The following CNBD1 variants were observed in gnomAD, a reference collection of about 807,000 sequenced individuals.
CNBD1 encodes cyclic nucleotide-binding domain-containing protein 1.
CNBD1 carries 71 observed loss-of-function variants against 54.4 expected under a neutral mutation model. That is an observed-to-expected ratio of 1.30 (90% CI 1.08 to 1.59). The LOEUF is 1.59. Ranked by LOEUF, CNBD1 falls within the 40% of genes most tolerant of loss-of-function variation. The pLI, the probability that CNBD1 is intolerant of heterozygous loss-of-function variation, is 0.00. For synonymous variants in CNBD1, 182 were observed against 170.7 expected, an observed-to-expected ratio of 1.07 and a Z score of -0.51; for missense variants, 659 against 518.0, an observed-to-expected ratio of 1.27 and a Z score of -2.64.
At chr8:87,378,576 G>T (rs1450288158) in intron 10 of CNBD1, among the ~76,000 whole-genome samples, 1 of 150,102 alleles carries the variant, frequency 6.7e-6, no homozygotes, top group Admixed American at 6.6e-5. Flanking sequence ...ATAGTTTGAA[G>T]TCAGGTAGTG....
intron 4 of CNBD1, among the ~76,000 whole-genome samples, chr8:87,061,509 C>T (rs1279918558): frequency 6.6e-6 from 1 of 152,180 alleles, no homozygotes; most frequent in African/African-American, 2.4e-5. Flanking sequence ...CTTTCATATG[C>T]ATTTACATTC....
At chr8:87,207,487 T>A (rs1189380233) in intron 5 of CNBD1, among the ~76,000 whole-genome samples, 2 of 151,848 alleles carry the variant, frequency 1.3e-5, no homozygotes, top group African/African-American at 4.8e-5. Context: ...TAAACATATA[T>A]CTTTTTAAAC....
chr8:87,200,626 G>C (rs1168616060), intron 4 of CNBD1, among the ~76,000 whole-genome samples: 1 of 152,040 alleles, frequency 6.6e-6, no homozygotes, highest in Non-Finnish European at 1.5e-5. Flanking sequence ...CAGGAATCCT[G>C]TAATAAACCG....
chr8:87,190,887 G>GATCTAGGTACATGTACC (rs1563501596), intron 4 of CNBD1, among the ~76,000 whole-genome samples: 1 of 124,904 alleles, frequency 8.0e-6, no homozygotes, highest in Non-Finnish European at 1.7e-5. Flanking sequence ...ATACATGTAC[G>GATCTAGGTACATGTACC]TATATCTATT....
chr8:87,055,915 CTT>C, intron 4 of CNBD1, among the ~76,000 whole-genome samples: 6 of 145,978 alleles, frequency 4.1e-5, no homozygotes, highest in Non-Finnish European at 9.0e-5. Context: ...TCCTTCCTTC[CTT>C]CCTTCCTTCC....
At chr8:86,921,010 T>C (rs1809263394) in intron 3 of CNBD1, among the ~76,000 whole-genome samples, 1 of 152,130 alleles carries the variant, frequency 6.6e-6, no homozygotes, top group Non-Finnish European at 1.5e-5. Flanking sequence ...TATTTGGAGA[T>C]GAAGCAACTG....
intron 8 of CNBD1, among the ~76,000 whole-genome samples, chr8:87,317,250 C>T (rs1809408333): frequency 6.6e-6 from 1 of 151,374 alleles, no homozygotes; most frequent in African/African-American, 2.4e-5. Flanking sequence ...TTAATTCACT[C>T]TTATAGTAGC....
intron 6 of CNBD1, among the ~76,000 whole-genome samples, chr8:87,283,851 G>T (rs1486549590): frequency 6.6e-6 from 1 of 152,030 alleles, no homozygotes; most frequent in Non-Finnish European, 1.5e-5. Flanking sequence ...ACCTTATTTG[G>T]GTTTGATAGG....
intron 4 of CNBD1, among the ~76,000 whole-genome samples, chr8:86,971,461 T>C (rs1048415255): frequency 6.6e-6 from 1 of 152,208 alleles, no homozygotes; most frequent in Non-Finnish European, 1.5e-5. Flanking sequence ...CACTGAAATT[T>C]GTTTAGTCTT....
At position 87,163,397 on chromosome 8, in the gene CNBD1, C is replaced by A. The variant is rs1418017471; in HGVS notation, c.432-42596C>A. The stretch of plus-strand genomic sequence containing the variant: ...TTTGATAGAGATTGCATTGAATCTG[C>A]AGATCACTTCAGGTCATATGAATAA... On this transcript the variant is annotated intron_variant, in intron 4 of 10. Transcript: ENST00000518476. This position sits in a 1 kb window ranked among gnomAD's most constrained non-coding sequence, Gnocchi z 4.5. Among the ~76,000 whole-genome samples, 1 of 151,670 alleles carries A rather than the reference C, an allele frequency of 6.6e-6. No individual in the cohort carries two copies. Among genetic ancestry groups the A allele is most frequent in the Non-Finnish European group, 1.5e-5 (1 of 67,892 alleles).
intron 3 of CNBD1, among the ~76,000 whole-genome samples, chr8:86,923,214 T>A (rs1415188021): frequency 6.6e-6 from 1 of 152,146 alleles, no homozygotes; most frequent in Admixed American, 6.5e-5. Flanking sequence ...TTTTCTAAGT[T>A]TGAAGTACTC....
chr8:87,396,044 T>G (rs887040245), intron 2 of CNBD1, among the ~76,000 whole-genome samples: 12 of 151,948 alleles, frequency 7.9e-5, no homozygotes, highest in African/African-American at 1.9e-4. Context: ...TTTTATAAAT[T>G]ACTCAGGCTC....
intron 10 of CNBD1, among the ~76,000 whole-genome samples, chr8:87,379,415 C>G (rs1315681101): frequency 6.6e-6 from 1 of 151,850 alleles, no homozygotes; most frequent in African/African-American, 2.4e-5. Context: ...CACCCCAAAT[C>G]AACAAAATAT....
intron 4 of CNBD1, among the ~76,000 whole-genome samples, chr8:87,090,709 T>C (rs1296344003): frequency 6.6e-6 from 1 of 152,060 alleles, no homozygotes; most frequent in Non-Finnish European, 1.5e-5. Flanking sequence ...CTAAATCAGG[T>C]AATTTAAACA....
intron 4 of CNBD1, among the ~76,000 whole-genome samples, chr8:86,992,237 A>T (rs531870442): frequency 2.5e-3 from 380 of 151,526 alleles, no homozygotes; most frequent in African/African-American, 7.3e-3. Flanking sequence ...CTTTTTTTTT[A>T]AAATTATACG....
chr8:87,119,026 A>G (rs1811837427), intron 4 of CNBD1, among the ~76,000 whole-genome samples: 1 of 152,206 alleles, frequency 6.6e-6, no homozygotes, highest in Non-Finnish European at 1.5e-5. Context: ...ACAAACATGT[A>G]TTCAGCACCT....
intron 4 of CNBD1, among the ~76,000 whole-genome samples, chr8:87,180,120 A>G (rs1310145660): frequency 6.6e-6 from 1 of 152,192 alleles, no homozygotes; most frequent in Admixed American, 6.5e-5. Flanking sequence ...AATAGAAGCC[A>G]AGATACACAT....
chr8:87,335,619 C>T (rs1420571333), intron 8 of CNBD1, among the ~76,000 whole-genome samples: 3 of 152,066 alleles, frequency 2.0e-5, no homozygotes, highest in African/African-American at 7.2e-5. Flanking sequence ...AGAGGGGTCT[C>T]TTGAATATAG....
In CNBD1 at chr8:87,108,737, C is replaced by A. The variant is rs1275113997; in HGVS notation, c.432-97256C>A. 2.0e-5 allele frequency among the ~76,000 whole-genome samples: 3 copies of A among 152,228 alleles called. No homozygotes were observed. In the East Asian group the frequency reaches 5.8e-4, roughly 29 times the overall value. On this transcript the variant is annotated intron_variant, in intron 4 of 10. Coordinates refer to ENST00000518476, the MANE Select transcript of CNBD1 (RefSeq NM_173538.3). ...ATATCTGGAATTTTCAGGTTACTTA[C>A]CTTTTCTTTACCTGGAATCTAGACC...
Sources: allele counts gnomAD v4.1 joint callset (sites outside exome capture counted in the v4.1 genomes callset), GRCh38; gene constraint gnomAD v4.1.1; non-coding constraint Gnocchi (gnomAD v3.1); transcripts MANE v1.5; gene names NCBI Gene and HGNC (gene_info 2026-07-23, HGNC 2026-07-21).